The following MEI4 variants were observed in gnomAD, a reference collection of about 807,000 sequenced individuals.
MEI4 encodes meiotic double-stranded break formation protein 4.
In MEI4, 27 loss-of-function variants were observed where a neutral mutation model predicts 31.4. That is an observed-to-expected ratio of 0.86 (90% CI 0.63 to 1.19). MEI4 has a LOEUF of 1.19. MEI4 is among the 50% of genes most tolerant of loss of function. The pLI is 0.00. For missense variants in MEI4, 329 were observed against 398.9 expected, an observed-to-expected ratio of 0.82 and a Z score of 1.49; for synonymous variants, 122 against 145.4, an observed-to-expected ratio of 0.84 and a Z score of 1.16.
chr6:77,700,203 C>G (rs2127656077), intron 2 of MEI4, among the ~76,000 whole-genome samples: 1 of 152,354 alleles, frequency 6.6e-6, no homozygotes, highest in East Asian at 1.9e-4. Context: ...GTGGAGCCTA[C>G]CGGGGCAGGC....
intron 2 of MEI4, among the ~76,000 whole-genome samples, chr6:77,729,515 C>G (rs912375490): frequency 3.9e-5 from 6 of 152,114 alleles, no homozygotes; most frequent in Admixed American, 6.6e-5. Flanking sequence ...AATGTGCAGG[C>G]AAGATTGAAA....
chr6:77,737,316 A>T (rs1767276237), intron 2 of MEI4, among the ~76,000 whole-genome samples: 1 of 152,244 alleles, frequency 6.6e-6, no homozygotes, highest in African/African-American at 2.4e-5. Context: ...GGAAACAGGG[A>T]CATCACTGTC....
intron 2 of MEI4, among the ~76,000 whole-genome samples, chr6:77,713,058 G>A (rs1041080227): frequency 4.0e-5 from 6 of 151,874 alleles, no homozygotes; most frequent in African/African-American, 1.5e-4. Context: ...ATTGGAAAGA[G>A]CACTCTTTCC....
chr6:77,745,315 C>T (rs935865026), intron 2 of MEI4, among the ~76,000 whole-genome samples: 62 of 152,170 alleles, frequency 4.1e-4, no homozygotes, highest in Non-Finnish European at 7.1e-4. Context: ...GCAGGGGTTG[C>T]AATCCTAGTC....
chr6:77,861,000 A>G (rs1162374828), intron 4 of MEI4, among the ~76,000 whole-genome samples: 2 of 152,204 alleles, frequency 1.3e-5, no homozygotes, highest in East Asian at 3.9e-4. Context: ...CATTAATCTA[A>G]TAACAGTATC....
At chr6:77,811,161 T>C (rs1180845791) in intron 3 of MEI4, among the ~76,000 whole-genome samples, 1 of 152,172 alleles carries the variant, frequency 6.6e-6, no homozygotes, top group Non-Finnish European at 1.5e-5. Context: ...TTTACTAGTT[T>C]GGCATGTAGT....
intron 4 of MEI4, among the ~76,000 whole-genome samples, chr6:77,833,742 G>T (rs954311799): frequency 6.6e-6 from 1 of 152,032 alleles, no homozygotes; most frequent in Non-Finnish European, 1.5e-5. Context: ...TAGGTTTTAA[G>T]CCCCGCATGC....
chr6:77,774,215 G>A (rs184476088), intron 3 of MEI4, among the ~76,000 whole-genome samples: 4 of 152,160 alleles, frequency 2.6e-5, no homozygotes, highest in Admixed American at 2.0e-4. Flanking sequence ...GCACTCTCAT[G>A]TATACTGCAG....
At chr6:77,771,534 A>G (rs527781163) in intron 3 of MEI4, among the ~76,000 whole-genome samples, 2 of 152,150 alleles carry the variant, frequency 1.3e-5, no homozygotes, top group Non-Finnish European at 2.9e-5. Flanking sequence ...CATGTTATCA[A>G]CCTAAATGCC....
At chr6:77,848,452 A>C (rs1437490086) in intron 4 of MEI4, among the ~76,000 whole-genome samples, 1 of 152,180 alleles carries the variant, frequency 6.6e-6, no homozygotes, top group Non-Finnish European at 1.5e-5. Flanking sequence ...ATCAGTGCCC[A>C]CAAGAGTGAC....
At chr6:77,674,630 A>T (rs1582011238) in intron 1 of MEI4, among the ~76,000 whole-genome samples, 1 of 151,918 alleles carries the variant, frequency 6.6e-6, no homozygotes, top group South Asian at 2.1e-4. Flanking sequence ...ACTTTCTATG[A>T]GTTGGCATAA....
chr6:77,666,855 C>CTCTG (rs1768644423), intron 1 of MEI4, among the ~76,000 whole-genome samples: 1 of 110,874 alleles, frequency 9.0e-6, no homozygotes, highest in Non-Finnish European at 1.8e-5. Context: ...TTCTACATGC[C>CTCTG]TCTGTGTGTG....
At chr6:77,699,827 A>T (rs534580818) in intron 2 of MEI4, among the ~76,000 whole-genome samples, 1 of 152,024 alleles carries the variant, frequency 6.6e-6, no homozygotes, top group Non-Finnish European at 1.5e-5. Context: ...GGTCTGTTGG[A>T]GTTTGCTGGA....
chr6:77,892,051 A>G (rs1765973293), intron 4 of MEI4, among the ~76,000 whole-genome samples: 1 of 152,188 alleles, frequency 6.6e-6, no homozygotes, highest in Non-Finnish European at 1.5e-5. Flanking sequence ...CACCAGTGGT[A>G]ATATGCCTGG....
intron 3 of MEI4, among the ~76,000 whole-genome samples, chr6:77,826,576 T>C (rs1769955861): frequency 6.6e-6 from 1 of 152,206 alleles, no homozygotes; most frequent in Admixed American, 6.5e-5. Context: ...GGTAATATGT[T>C]GTCTCCAGAA....
Position 77,658,082 on chromosome 6 carries a change from T to C in MEI4, c.-15+4990T>C, listed in dbSNP as rs1768430352. 3.3e-5 allele frequency among the ~76,000 whole-genome samples: 5 copies of C among 152,318 alleles called. No homozygotes were observed. The South Asian group carries it at 1.0e-3, about 32-fold the overall frequency. Reference sequence around the variant, plus strand: ...TTTGTGTGAGCAATAAAGCTGTTTATTTCACCTGGGTGCAGGCGGGCTGAG... The same window carrying C: ...TTTGTGTGAGCAATAAAGCTGTTTACTTCACCTGGGTGCAGGCGGGCTGAG... On this transcript the variant is annotated intron_variant, in intron 1 of 4. Coordinates refer to ENST00000684080, the MANE Select transcript of MEI4 (RefSeq NM_001322247.2).
At chr6:77,748,059 C>G (rs1767662240) in intron 2 of MEI4, among the ~76,000 whole-genome samples, 1 of 152,178 alleles carries the variant, frequency 6.6e-6, no homozygotes, top group Non-Finnish European at 1.5e-5. Context: ...CCTTTGGCAG[C>G]TCCGTCACAG....
chr6:77,894,684 C>T (rs996463108), intron 4 of MEI4, among the ~76,000 whole-genome samples: 3 of 152,148 alleles, frequency 2.0e-5, no homozygotes, highest in South Asian at 2.1e-4. Context: ...TGGAAAGGTT[C>T]TGCTCTCTTG....
intron 2 of MEI4, among the ~76,000 whole-genome samples, chr6:77,732,938 T>C (rs1157245683): frequency 6.6e-6 from 1 of 151,090 alleles, no homozygotes; most frequent in Non-Finnish European, 1.5e-5. Flanking sequence ...TTTATTGATT[T>C]GCATATATTG....
Sources: allele counts gnomAD v4.1 joint callset (sites outside exome capture counted in the v4.1 genomes callset), GRCh38; gene constraint gnomAD v4.1.1; transcripts MANE v1.5; gene names NCBI Gene and HGNC (gene_info 2026-07-23, HGNC 2026-07-21).